The following ATAD3B variants were observed in gnomAD, a reference collection of about 807,000 sequenced individuals.
The protein encoded by ATAD3B is ATPase family AAA domain containing 3B.
ATAD3B carries 59 observed loss-of-function variants against 70.2 expected under a neutral mutation model. The ratio of observed to expected loss-of-function variants is 0.84; its 90% confidence interval spans 0.68 to 1.04. The LOEUF (loss-of-function observed/expected upper bound fraction) is 1.04, where lower values mean the gene tolerates loss of function less well. Ranked by LOEUF, ATAD3B falls within the 50% of genes least tolerant of loss-of-function variation. The pLI, the probability that ATAD3B is intolerant of heterozygous loss-of-function variation, is 0.00. For synonymous variants in ATAD3B, 423 were observed against 388.6 expected (o/e 1.09, Z -1.04); for missense variants, 961 against 913.4 (o/e 1.05, Z -0.67).
At chr1:1,490,065 A>G in intron 13 of ATAD3B, 192 bp from the exon 14 acceptor site, 1 of 1,414,936 alleles carries the variant, frequency 7.1e-7, no homozygotes, top group Non-Finnish European at 9.2e-7. Context: ...GGCGGGGGGC[A>G]GCTGGGCGTG....
chr1:1,480,016 A>G lies in ATAD3B; in HGVS notation c.445-851A>G, dbSNP rs551505079. 1.7e-3 allele frequency among the ~76,000 whole-genome samples: 243 copies of G among 140,550 alleles called. 12 individuals are homozygous for G. The highest frequency in any genetic ancestry group is 3.3e-3 in the Non-Finnish European group (212 of 65,160). 92.2% of individuals were successfully genotyped at this position (140,550 alleles called of 152,430 possible). A position where few individuals can be genotyped will look rare whatever the true frequency, so the allele number is the denominator to read the frequency against. ...CACGCACACCCCCTCACACATAGGC[A>G]CACATACACAACCCAGGCACACACC... On this transcript the variant is annotated intron_variant, in intron 4 of 15. Transcript: ENST00000673477.
At chr1:1,477,243 C>T in intron 1 of ATAD3B, 31 bp from the exon 2 acceptor site, 2 of 1,610,886 alleles carry the variant, frequency 1.2e-6, no homozygotes. Context: ...GTGTATCCTA[C>T]ACCTGCTCTC....
At position 1,482,149 on chromosome 1, in the gene ATAD3B, C is replaced by T. The variant is rs759753809; in HGVS notation, c.526C>T (p.Arg176Trp). The change falls in exon 6 of 16, where the codon CGG (arginine) becomes TGG (tryptophan). Residue 176 changes from arginine (R) to tryptophan (W), a missense_variant. Physicochemically the swap from Arg to Trp is moderately radical, Grantham distance 101. Coordinates refer to ENST00000673477, the MANE Select transcript of ATAD3B (RefSeq NM_031921.6). ...CCTCTCTGGGGCAGCCACCGTGGAG[C>T]GGGAGATGGAGCTGCGGCACAAGAA... ...QEAMRRATVE[R>W]EMELRHKNEM... The T allele has an allele frequency of 8.7e-6, 14 of 1,608,932 alleles. No individual in the cohort carries two copies. The highest frequency in any genetic ancestry group is 5.3e-5 in the African/African-American group (4 of 74,822).
chr1:1,490,647 C>A lies in ATAD3B; in HGVS notation c.1590C>A (p.Ile530=), dbSNP rs376557599. ...CGGAGGGCATGTCGGGCCGGGAGAT[C>A]GCTCAGCTGGCCGTGTCCTGGCAGG... is the stretch of plus-strand genomic sequence containing the variant. ...RLTEGMSGRE[I]AQLAVSWQAT... Residue 530 remains isoleucine, a synonymous_variant, in exon 15 of 16, where the codon ATC becomes ATA. Transcript: ENST00000673477. The A allele has an allele frequency of 7.5e-6, 12 of 1,600,376 alleles. No individual in the cohort carries two copies. Among genetic ancestry groups the A allele is most frequent in the Non-Finnish European group, 2.6e-6 (3 of 1,174,748 alleles).
chr1:1,506,787 CTTTTTTTT>C, the ATAD3B span, among the ~76,000 whole-genome samples: 7 of 120,056 alleles, frequency 5.8e-5, no homozygotes, highest in Non-Finnish European at 1.1e-4. Context: ...TTTCTTTTTT[CTTTTTTTT>C]TTTTTTTTTT....
downstream of ATAD3B, among the ~76,000 whole-genome samples, chr1:1,501,573 T>C (rs1640946920): frequency 6.6e-6 from 1 of 152,122 alleles, no homozygotes; most frequent in African/African-American, 2.4e-5. Flanking sequence ...GTATTTTTAG[T>C]AGAGGCAGGG....
chr1:1,485,526 CCT>C (rs1640159798), intron 8 of ATAD3B, among the ~76,000 whole-genome samples: 1 of 152,092 alleles, frequency 6.6e-6, no homozygotes, highest in African/African-American at 2.4e-5. Context: ...CTTGCCAGCC[CCT>C]GAGGTGCCTG....
At chr1:1,486,284 C>T (rs1363970038) in intron 10 of ATAD3B, 49 bp downstream of exon 10, 22 of 1,610,558 alleles carry the variant, frequency 1.4e-5, no homozygotes, top group Non-Finnish European at 1.8e-5. Flanking sequence ...TGGGGTCTCA[C>T]CTGCCTGCAG....
In ATAD3B at chr1:1,487,569, C is replaced by G. The variant is rs376664913; in HGVS notation, c.1215-294C>G. 6.7e-4 allele frequency among the ~76,000 whole-genome samples: 101 copies of G among 151,548 alleles called. 5 individuals are homozygous for G. The South Asian group carries it at 0.02, about 31-fold the overall frequency. On this transcript the variant is annotated intron_variant, in intron 11 of 15. Coordinates refer to ENST00000673477, the MANE Select transcript of ATAD3B (RefSeq NM_031921.6). Reference sequence around the variant, plus strand: ...CGCTGTGTGGGTGAAACCTGCAGGGCGGAGGCTGTTGCCCCATGTGTGGTT... The same window carrying G: ...CGCTGTGTGGGTGAAACCTGCAGGGGGGAGGCTGTTGCCCCATGTGTGGTT...
At chr1:1,485,214 T>C (rs781031671) in intron 8 of ATAD3B, 43 bp downstream of exon 8, 1 of 1,603,408 alleles carries the variant, frequency 6.2e-7, no homozygotes, top group Non-Finnish European at 8.5e-7. Context: ...AGTTCCTGGC[T>C]GAGTCCCTTC....
the ATAD3B span, chr1:1,509,056 G>A: frequency 1.5e-6 from 2 of 1,374,274 alleles, no homozygotes; most frequent in South Asian, 2.9e-5. Context: ...ACACGTGCTG[G>A]GCTCTGCCGA....
At chr1:1,498,074 G>GGGTGAGGCC (rs1474621840), downstream of ATAD3B, among the ~76,000 whole-genome samples, 1 of 151,786 alleles carries the variant, frequency 6.6e-6, no homozygotes, top group Non-Finnish European at 1.5e-5. Context: ...AGGCTGAGGC[G>GGGTGAGGCC]GGTGGATCAC....
chr1:1,507,083 G>A, the ATAD3B span, among the ~76,000 whole-genome samples: 2 of 152,150 alleles, frequency 1.3e-5, no homozygotes, highest in East Asian at 1.9e-4. Context: ...CACCGCCCGC[G>A]CCCAGCAGGA....
chr1:1,473,852 A>G (rs1485457035), intron 1 of ATAD3B, among the ~76,000 whole-genome samples: 1 of 152,036 alleles, frequency 6.6e-6, no homozygotes, highest in Non-Finnish European at 1.5e-5. Flanking sequence ...TGAAGCAGAT[A>G]TAAACAGAGT....
At chr1:1,507,633 G>A in the ATAD3B span, among the ~76,000 whole-genome samples, 1 of 152,164 alleles carries the variant, frequency 6.6e-6, no homozygotes, top group Non-Finnish European at 1.5e-5. Context: ...TGCTCATCAA[G>A]GATATTGGCC....
intron 8 of ATAD3B, 112 bp from the exon 9 acceptor site, chr1:1,485,670 T>C: frequency 6.6e-7 from 1 of 1,514,724 alleles, no homozygotes; most frequent in South Asian, 1.2e-5. Flanking sequence ...CGGTCCTGGC[T>C]GTGCTTTGGG....
chr1:1,489,578 C>CTA (rs3215838), intron 13 of ATAD3B: 53,849 of 1,107,728 alleles, frequency 0.049, 7,508 homozygotes, highest in East Asian at 0.46. Context: ...GGGAGGTGGT[C>CTA]TGATTGCTGC....
At chr1:1,505,619 G>A in the ATAD3B span, among the ~76,000 whole-genome samples, 1 of 152,158 alleles carries the variant, frequency 6.6e-6, no homozygotes, top group Admixed American at 6.5e-5. Flanking sequence ...TGCCTTCCCA[G>A]GCGCTGGCGT....
the ATAD3B span, among the ~76,000 whole-genome samples, chr1:1,505,333 A>G: frequency 6.6e-6 from 1 of 152,102 alleles, no homozygotes; most frequent in Non-Finnish European, 1.5e-5. Flanking sequence ...ACTTTCACTA[A>G]TTTTGCTACT....
Sources: gnomAD v4.1 joint callset for allele counts (sites outside exome capture counted in the v4.1 genomes callset) on GRCh38, gnomAD v4.1.1 for gene constraint, MANE v1.5 for transcripts, NCBI Gene and HGNC (gene_info 2026-07-23, HGNC 2026-07-21) for gene names.